MYO1E: variants seen among roughly 807,000 people sequenced by gnomAD.
The protein encoded by MYO1E is unconventional myosin-Ie.
MYO1E carries 68 observed loss-of-function variants against 151.1 expected under a neutral mutation model. The observed-to-expected ratio is 0.45, with a 90% CI of 0.37 to 0.55. The LOEUF (loss-of-function observed/expected upper bound fraction) is 0.55. Among genes scored for constraint, MYO1E ranks in the 20% least tolerant of loss-of-function variants. MYO1E has a pLI of 0.00. For missense variants in MYO1E, 1,363 were observed against 1,389.3 expected (o/e 0.98, Z 0.30); for synonymous variants, 601 against 501.7 (o/e 1.20, Z -2.64).
At position 59,297,437 on chromosome 15, in the gene MYO1E, A is replaced by ATTTTTTTTT. The variant is rs755470049; in HGVS notation, c.4-24997_4-24989dup. 1.9e-3 allele frequency among the ~76,000 whole-genome samples: 120 copies of ATTTTTTTTT among 63,478 alleles called. 3 individuals are homozygous for ATTTTTTTTT. The highest frequency in any genetic ancestry group is 4.4e-3 in the African/African-American group (109 of 24,808). 41.6% of individuals were successfully genotyped at this position (63,478 alleles called of 152,430 possible). On this transcript the variant is annotated intron_variant, in intron 1 of 27. Transcript: ENST00000288235. The stretch of plus-strand genomic sequence containing the variant: ...AGGTACGCACCACCACACCCAGCTA[A>ATTTTTTTTT]TTTTTTTTTTTTTTTTTTTTTTTTA...
rs557306868 is a variant in MYO1E, at chr15:59,144,990, T to A, written c.3081-6623A>T. Among the ~76,000 whole-genome samples, 13 of 152,214 alleles carry A rather than the reference T, an allele frequency of 8.5e-5. No homozygotes were observed. The South Asian group carries it at 2.5e-3, about 29-fold the overall frequency. ...TCCTAAGTAGTTGGGACTACAGGCATGCACCACCATGCCCGGCTAATCTTG... is the reference window on the plus strand; with the variant it reads ...TCCTAAGTAGTTGGGACTACAGGCAAGCACCACCATGCCCGGCTAATCTTG... On this transcript the variant is annotated intron_variant, in intron 26 of 27. Transcript: ENST00000288235.
chr15:59,168,434 T>C (rs2079573964), intron 22 of MYO1E, among the ~76,000 whole-genome samples: 1 of 151,870 alleles, frequency 6.6e-6, no homozygotes. Flanking sequence ...TAGTCTCAGA[T>C]ACTTAGGGGG....
At chr15:59,327,789 T>C (rs922805042) in intron 1 of MYO1E, among the ~76,000 whole-genome samples, 8 of 152,138 alleles carry the variant, frequency 5.3e-5, no homozygotes, top group Non-Finnish European at 1.0e-4. Flanking sequence ...TTCGATGTAT[T>C]TTTATAAGCA....
rs76580868 is a variant in MYO1E at position 59,309,888 on chromosome 15, C to T, written c.4-37439G>A. 9.2e-3 allele frequency among the ~76,000 whole-genome samples: 1,401 copies of T among 152,288 alleles called. 19 individuals carry two copies. Among genetic ancestry groups the T allele is most frequent in the African/African-American group, 0.032 (1,311 of 41,544 alleles). On this transcript the variant is annotated intron_variant, in intron 1 of 27. Coordinates refer to ENST00000288235, the MANE Select transcript of MYO1E (RefSeq NM_004998.4). ...TAGGGATTATATACCCCACCCACCA[C>T]ATTTGTAAATAGGCTAAGAATCACC...
intron 1 of MYO1E, among the ~76,000 whole-genome samples, chr15:59,364,624 T>C (rs1365042945): frequency 6.6e-6 from 1 of 152,204 alleles, no homozygotes; most frequent in African/African-American, 2.4e-5. Context: ...ACAATGTGTT[T>C]GAGGCCCGGT....
intron 1 of MYO1E, among the ~76,000 whole-genome samples, chr15:59,275,291 C>A (rs1395008439): frequency 6.6e-6 from 1 of 152,120 alleles, no homozygotes; most frequent in Non-Finnish European, 1.5e-5. Flanking sequence ...TCATGACCAC[C>A]TCCTCTTAGC....
chr15:59,283,548 T>C (rs566100096), intron 1 of MYO1E, among the ~76,000 whole-genome samples: 2 of 152,306 alleles, frequency 1.3e-5, no homozygotes, highest in African/African-American at 4.8e-5. Context: ...TAGAGTGCCA[T>C]GATGCATGGC....
intron 6 of MYO1E, among the ~76,000 whole-genome samples, chr15:59,228,697 G>A (rs774311351): frequency 1.3e-5 from 2 of 151,940 alleles, no homozygotes. Flanking sequence ...CAGCCTCATC[G>A]CATTCACATT....
At position 59,178,435 on chromosome 15, in the gene MYO1E, G is replaced by C. The variant is rs2079638443; in HGVS notation, c.2007C>G (p.Phe669Leu). 3 of 1,614,230 alleles carry C rather than the reference G, an allele frequency of 1.9e-6. No individual in the cohort carries two copies. The highest frequency in any genetic ancestry group is 2.5e-6 in the Non-Finnish European group (3 of 1,180,040). ...LQSVNMDSDQ[F>L]QLGRSKVFIK... ...TGAACACTTTACTCCTCCCCAGCTG[G>C]AACTGGTCGCTGTCCATGTTGACCG... is the stretch of plus-strand genomic sequence containing the variant. The change falls in exon 19 of 28, where the codon TTC becomes TTG. Residue 669 changes from phenylalanine to leucine, a missense_variant. Phe to Leu is a conservative substitution (Grantham distance 22). Transcript: ENST00000288235.
At chr15:59,262,154 C>A (rs763964880) in intron 2 of MYO1E, among the ~76,000 whole-genome samples, 21 of 151,972 alleles carry the variant, frequency 1.4e-4, no homozygotes, top group Non-Finnish European at 2.6e-4. Context: ...TTGCAGTGAG[C>A]CAAGATCATG....
At chr15:59,194,335 C>A (rs916624659) in intron 17 of MYO1E, among the ~76,000 whole-genome samples, 2 of 152,172 alleles carry the variant, frequency 1.3e-5, no homozygotes, top group African/African-American at 2.4e-5. Context: ...TTAAATAGAA[C>A]GAACTTTCAG....
chr15:59,217,784 T>C, intron 10 of MYO1E, 107 bp downstream of exon 10: 1 of 1,307,760 alleles, frequency 7.6e-7, no homozygotes, highest in African/African-American at 1.5e-5. Context: ...CACCTTGGCC[T>C]CTCAAAGTAC....
chr15:59,138,094 G>C, intron 27 of MYO1E, 104 bp downstream of exon 27: 2 of 1,429,106 alleles, frequency 1.4e-6, no homozygotes, highest in Non-Finnish European at 2.0e-6. Context: ...ACAAATTGCA[G>C]TTTGAGGAGC....
intron 1 of MYO1E, among the ~76,000 whole-genome samples, chr15:59,283,835 T>C (rs76696799): frequency 1.3e-5 from 2 of 152,340 alleles, no homozygotes; most frequent in East Asian, 1.9e-4. Flanking sequence ...GTAACAGCAG[T>C]TGGAAACAGC....
intron 4 of MYO1E, among the ~76,000 whole-genome samples, chr15:59,244,839 C>T (rs191270122): frequency 2.0e-5 from 3 of 152,142 alleles, no homozygotes; most frequent in Non-Finnish European, 4.4e-5. Flanking sequence ...AGCAAGTACT[C>T]GAAAAAGAGT....
intron 17 of MYO1E, among the ~76,000 whole-genome samples, chr15:59,193,565 G>A (rs189907737): frequency 4.6e-5 from 7 of 152,318 alleles, no homozygotes; most frequent in African/African-American, 1.7e-4. Flanking sequence ...TAGAGAAACT[G>A]TTGACGGAAC....
At chr15:59,142,240 T>C (rs1473643818) in intron 26 of MYO1E, among the ~76,000 whole-genome samples, 1 of 152,212 alleles carries the variant, frequency 6.6e-6, no homozygotes, top group Non-Finnish European at 1.5e-5. Flanking sequence ...AGCGGGCCAG[T>C]TGAACCCACA....
chr15:59,171,769 C>T (rs965538493), intron 22 of MYO1E, 128 bp downstream of exon 22: 2 of 1,221,954 alleles, frequency 1.6e-6, no homozygotes, highest in East Asian at 2.4e-5. Context: ...AAGGGAAATT[C>T]CATTCTCTTG....
intron 22 of MYO1E, among the ~76,000 whole-genome samples, chr15:59,165,503 C>T (rs1353591868): frequency 6.6e-6 from 1 of 152,206 alleles, no homozygotes; most frequent in Admixed American, 6.5e-5. Flanking sequence ...TTCTTGCCCA[C>T]TCCTGTGATA....
Sources: gnomAD v4.1 joint callset for allele counts (sites outside exome capture counted in the v4.1 genomes callset) on GRCh38, gnomAD v4.1.1 for gene constraint, MANE v1.5 for transcripts, NCBI Gene and HGNC (gene_info 2026-07-23, HGNC 2026-07-21) for gene names.